SLC24A2: variants seen among roughly 807,000 people sequenced by gnomAD.
SLC24A2 encodes solute carrier family 24 member 2.
Under a neutral mutation model 62.0 loss-of-function variants are expected in SLC24A2, and 36 were observed. That is an observed-to-expected ratio of 0.58 (90% CI 0.44 to 0.77). SLC24A2 has a LOEUF of 0.77. SLC24A2 is among the 30% of genes least tolerant of loss of function. SLC24A2 has a pLI of 0.00. For missense variants in SLC24A2, 846 were observed against 817.9 expected, an observed-to-expected ratio of 1.03 and a Z score of -0.42; for synonymous variants, 358 against 294.0, an observed-to-expected ratio of 1.22 and a Z score of -2.23.
chr9:20,251,751 T>C, the SLC24A2 span, among the ~76,000 whole-genome samples: 1 of 152,330 alleles, frequency 6.6e-6, no homozygotes, highest in African/African-American at 2.4e-5. Context: ...TCTCCTAAGA[T>C]GGTTCCAGGG....
At chr9:20,059,860 A>C in the SLC24A2 span, among the ~76,000 whole-genome samples, 428 of 152,230 alleles carry the variant, frequency 2.8e-3, 5 homozygotes, top group African/African-American at 9.6e-3. Context: ...CAACGAAACC[A>C]AAAGTTGGTT....
the SLC24A2 span, among the ~76,000 whole-genome samples, chr9:20,277,068 C>A: frequency 2.6e-5 from 4 of 152,212 alleles, no homozygotes. Flanking sequence ...CTCCTCATTA[C>A]CTTTGCAAAT....
chr9:19,630,180 A>G (rs1818141190), intron 2 of SLC24A2, among the ~76,000 whole-genome samples: 1 of 152,196 alleles, frequency 6.6e-6, no homozygotes, highest in Admixed American at 6.5e-5. Context: ...ATTTTATCAC[A>G]CATTTATTAA....
At chr9:19,746,725 T>C (rs1450233358) in intron 2 of SLC24A2, among the ~76,000 whole-genome samples, 3 of 152,154 alleles carry the variant, frequency 2.0e-5, no homozygotes, top group Non-Finnish European at 2.9e-5. Context: ...AGAAAATTCA[T>C]GGGCAGGCCA....
chr9:20,126,489 A>G, the SLC24A2 span, among the ~76,000 whole-genome samples: 1 of 152,192 alleles, frequency 6.6e-6, no homozygotes, highest in Non-Finnish European at 1.5e-5. Flanking sequence ...AAACATCACC[A>G]TACATGCCTA....
chr9:20,206,819 G>A, the SLC24A2 span, among the ~76,000 whole-genome samples: 5 of 149,594 alleles, frequency 3.3e-5, no homozygotes, highest in East Asian at 8.2e-4. Context: ...TTAAATTTCT[G>A]TTTTAAGTTC....
At chr9:19,839,421 T>C in the SLC24A2 span, among the ~76,000 whole-genome samples, 2 of 152,228 alleles carry the variant, frequency 1.3e-5, no homozygotes, top group Non-Finnish European at 2.9e-5. Context: ...GCTTCTTCCA[T>C]TCTTGCTGTA....
At chr9:20,231,291 G>A in the SLC24A2 span, among the ~76,000 whole-genome samples, 1 of 152,308 alleles carries the variant, frequency 6.6e-6, no homozygotes, top group East Asian at 1.9e-4. Context: ...GTAGCTTGAT[G>A]GGGATGGCAC....
the SLC24A2 span, among the ~76,000 whole-genome samples, chr9:20,280,273 G>A: frequency 6.6e-6 from 1 of 152,178 alleles, no homozygotes; most frequent in Admixed American, 6.5e-5. Context: ...CCACAGAGGT[G>A]GTCCTATCTT....
At chr9:20,144,855 A>G in the SLC24A2 span, among the ~76,000 whole-genome samples, 1 of 152,152 alleles carries the variant, frequency 6.6e-6, no homozygotes, top group Non-Finnish European at 1.5e-5. Context: ...AAAAAAAGAA[A>G]ACTTCAGTGG....
At chr9:19,861,796 T>G in the SLC24A2 span, among the ~76,000 whole-genome samples, 1 of 152,066 alleles carries the variant, frequency 6.6e-6, no homozygotes, top group Non-Finnish European at 1.5e-5. Context: ...GTTGGCATAC[T>G]GAAGAATGCA....
At chr9:20,014,862 A>C in the SLC24A2 span, among the ~76,000 whole-genome samples, 4 of 152,266 alleles carry the variant, frequency 2.6e-5, no homozygotes, top group South Asian at 4.1e-4. Flanking sequence ...ATATATTTCA[A>C]AATAACAGAG....
the SLC24A2 span, among the ~76,000 whole-genome samples, chr9:20,255,327 C>T: frequency 3.9e-5 from 6 of 152,194 alleles, no homozygotes; most frequent in Non-Finnish European, 5.9e-5. Flanking sequence ...TGGCATTAAA[C>T]AGTGTAGTTT....
At chr9:20,124,165 G>T in the SLC24A2 span, among the ~76,000 whole-genome samples, 1 of 152,040 alleles carries the variant, frequency 6.6e-6, no homozygotes, top group African/African-American at 2.4e-5. Flanking sequence ...CATCTCCTGA[G>T]CATAACTATA....
the SLC24A2 span, among the ~76,000 whole-genome samples, chr9:20,007,153 T>C: frequency 3.3e-5 from 5 of 152,148 alleles, no homozygotes; most frequent in East Asian, 7.7e-4. Flanking sequence ...TAAGAATAAA[T>C]GGGCTCTGAG....
At chr9:20,069,105 C>T in the SLC24A2 span, among the ~76,000 whole-genome samples, 1 of 152,180 alleles carries the variant, frequency 6.6e-6, no homozygotes, top group Non-Finnish European at 1.5e-5. Context: ...TTTGATAAGC[C>T]TGTTATCCTT....
At chr9:20,088,782 C>T in the SLC24A2 span, among the ~76,000 whole-genome samples, 1 of 151,780 alleles carries the variant, frequency 6.6e-6, no homozygotes, top group South Asian at 2.1e-4. Flanking sequence ...TCGGGGTCCC[C>T]AGCCTCCCCA....
intron 2 of SLC24A2, among the ~76,000 whole-genome samples, chr9:19,678,698 T>C (rs1230901057): frequency 3.3e-5 from 5 of 152,180 alleles, no homozygotes; most frequent in Admixed American, 6.5e-5. Context: ...ATCTGCTAAA[T>C]AGTTCATACA....
the SLC24A2 span, among the ~76,000 whole-genome samples, chr9:20,161,696 T>A: frequency 6.5e-4 from 98 of 151,324 alleles, 2 homozygotes; most frequent in South Asian, 0.02. Flanking sequence ...AAAATAAGAA[T>A]GATGCATATT....
Sources: allele counts gnomAD v4.1 joint callset (sites outside exome capture counted in the v4.1 genomes callset), GRCh38; gene constraint gnomAD v4.1.1; transcripts MANE v1.5; gene names NCBI Gene and HGNC (gene_info 2026-07-23, HGNC 2026-07-21).